ACP3: variants seen among roughly 807,000 people sequenced by gnomAD.
The protein encoded by ACP3 is acid phosphatase 3.
In ACP3, 38 loss-of-function variants were observed where a neutral mutation model predicts 45.6. That is an observed-to-expected ratio of 0.83 (90% CI 0.64 to 1.09). The LOEUF (loss-of-function observed/expected upper bound fraction) is 1.09. ACP3 is among the 50% of genes least tolerant of loss of function. The pLI is 0.00. For synonymous variants in ACP3, 162 were observed against 164.7 expected (o/e 0.98, Z 0.13); for missense variants, 466 against 463.2 (o/e 1.01, Z -0.05).
intron 4 of ACP3, among the ~76,000 whole-genome samples, chr3:132,336,977 T>C (rs1937501474): frequency 2.0e-5 from 3 of 152,122 alleles, no homozygotes; most frequent in Admixed American, 6.6e-5. Flanking sequence ...GTCTGCAAAT[T>C]TGCAAAACCT....
chr3:132,359,051 A>G (rs1010865467), downstream of ACP3, among the ~76,000 whole-genome samples: 17 of 152,342 alleles, frequency 1.1e-4, no homozygotes, highest in African/African-American at 4.1e-4. Flanking sequence ...GAAGTGCACA[A>G]TATACTAGGG....
chr3:132,339,712 GCT>G (rs1451322438), intron 5 of ACP3, among the ~76,000 whole-genome samples: 1 of 152,220 alleles, frequency 6.6e-6, no homozygotes, highest in Non-Finnish European at 1.5e-5. Flanking sequence ...TAAGTGTTCA[GCT>G]CTCTGAAGGC....
intron 4 of ACP3, among the ~76,000 whole-genome samples, chr3:132,337,157 T>G (rs1164191880): frequency 2.0e-5 from 3 of 151,650 alleles, no homozygotes; most frequent in African/African-American, 7.3e-5. Context: ...AAGATAACAG[T>G]TATTCACGTG....
intron 1 of ACP3, among the ~76,000 whole-genome samples, chr3:132,327,715 C>G (rs372370624): frequency 1.5e-4 from 22 of 150,878 alleles, no homozygotes; most frequent in Non-Finnish European, 3.1e-4. Flanking sequence ...GCTACTCAGG[C>G]GGCTGAGGCA....
chr3:132,350,923 G>T (rs2107813666), intron 8 of ACP3, among the ~76,000 whole-genome samples: 1 of 152,276 alleles, frequency 6.6e-6, no homozygotes, highest in Admixed American at 6.5e-5. Flanking sequence ...GAAAAATGGG[G>T]ATATGGCCTA....
At chr3:132,356,573 A>T (rs3853148) in intron 9 of ACP3, 113 bp from the exon 10 acceptor site, 10 of 1,568,418 alleles carry the variant, frequency 6.4e-6, no homozygotes, top group African/African-American at 2.7e-5. Context: ...TCTCCCCATA[A>T]GTTTTTCCAT....
chr3:132,348,824 G>A (rs116304458), intron 7 of ACP3, among the ~76,000 whole-genome samples: 255 of 152,262 alleles, frequency 1.7e-3, no homozygotes, highest in African/African-American at 5.9e-3. Context: ...ACTTACTGGT[G>A]TACAGACCTG....
intron 6 of ACP3, among the ~76,000 whole-genome samples, chr3:132,344,096 G>A (rs185049815): frequency 4.1e-4 from 63 of 152,210 alleles, no homozygotes; most frequent in African/African-American, 1.5e-3. Context: ...TGGCCAACAT[G>A]GCGAAATTTC....
intron 1 of ACP3, among the ~76,000 whole-genome samples, chr3:132,319,095 G>C (rs1287250393): frequency 6.6e-6 from 1 of 152,138 alleles, no homozygotes; most frequent in East Asian, 1.9e-4. Flanking sequence ...ATTGCACAAA[G>C]CCAGTGTTAA....
chr3:132,319,106 C>A (rs1020717014), intron 1 of ACP3, among the ~76,000 whole-genome samples: 1 of 152,166 alleles, frequency 6.6e-6, no homozygotes, highest in Non-Finnish European at 1.5e-5. Flanking sequence ...CCAGTGTTAA[C>A]TATTTTTTCC....
chr3:132,328,529 A>G (rs375685413), intron 2 of ACP3, among the ~76,000 whole-genome samples, 167 bp downstream of exon 2: 2 of 152,068 alleles, frequency 1.3e-5, no homozygotes, highest in East Asian at 1.9e-4. Context: ...AAATACAAAA[A>G]TTAGCCAGGA....
chr3:132,357,414 G>A lies in ACP3; in HGVS notation c.*536G>A. The stretch of plus-strand genomic sequence containing the variant: ...AGGCAAAGAAAGGAGATACAGTGGA[G>A]ACATCTGGAAAGTTTTCTCCACTGG... On this transcript the variant is annotated 3_prime_UTR_variant, in exon 10 of 10. Coordinates refer to ENST00000336375, the MANE Select transcript of ACP3 (RefSeq NM_001099.5). The A allele has an allele frequency of 2.0e-6, 2 of 985,356 alleles. No homozygotes were observed. Among genetic ancestry groups the A allele is most frequent in the Non-Finnish European group, 2.4e-6 (2 of 829,900 alleles). The allele number at this position is 985,356 out of a possible 1,614,324, so 61.0% of individuals were successfully genotyped here. A position where few individuals can be genotyped will look rare whatever the true frequency, so the allele number is the denominator to read the frequency against.
chr3:132,343,049 A>G (rs1243285088), intron 6 of ACP3, among the ~76,000 whole-genome samples: 2 of 152,244 alleles, frequency 1.3e-5, no homozygotes, highest in Admixed American at 1.3e-4. Context: ...GTAGAAATAA[A>G]CAAGCAAAAT....
chr3:132,345,050 C>A lies in ACP3; in HGVS notation c.772C>A (p.Leu258Ile), dbSNP rs758893967. 1.2e-6 allele frequency: 2 copies of A among 1,613,034 alleles called. No homozygotes were observed. Among genetic ancestry groups the A allele is most frequent in the South Asian group, 2.2e-5 (2 of 91,062 alleles). ...GIHKQKEKSR[L>I]QGGVLVNEIL... ...TCACAAGCAGAAAGAGAAATCTAGG[C>A]TCCAAGGGGGTAAGTATTAAAAAAT... Residue 258 changes from leucine to isoleucine, a missense_variant, in exon 7 of 10, where the codon CTC (leucine) becomes ATC (isoleucine). Coordinates refer to ENST00000336375, the MANE Select transcript of ACP3 (RefSeq NM_001099.5).
intron 6 of ACP3, 67 bp downstream of exon 6, chr3:132,342,711 A>G: frequency 1.0e-6 from 1 of 961,274 alleles, no homozygotes; most frequent in African/African-American, 1.7e-5. Context: ...ATTTTGAAAT[A>G]GATGAATATC....
In ACP3 at chr3:132,357,655, C is replaced by T; in HGVS notation, c.*777C>T. ...AAATAAGTCATCTGATGAGAACAAG[C>T]TATTTGGGCACAACACATCAGGAAA... On this transcript the variant is annotated 3_prime_UTR_variant, in exon 10 of 10. Transcript: ENST00000336375. The T allele has an allele frequency of 1.0e-6, 1 of 985,176 alleles. No individual in the cohort carries two copies. The highest frequency in any genetic ancestry group is 1.2e-6 in the Non-Finnish European group (1 of 829,786). 61.0% of individuals were successfully genotyped at this position (985,176 alleles called of 1,614,324 possible).
chr3:132,337,017 A>AT (rs1038908516), intron 4 of ACP3, among the ~76,000 whole-genome samples: 15 of 151,848 alleles, frequency 9.9e-5, no homozygotes, highest in East Asian at 3.9e-4. Flanking sequence ...TTGACTTAAG[A>AT]TTTTTTCCAG....
intron 10 of ACP3, among the ~76,000 whole-genome samples, chr3:132,365,304 G>C (rs1938111775): frequency 6.6e-6 from 1 of 152,214 alleles, no homozygotes; most frequent in Non-Finnish European, 1.5e-5. Context: ...GGCCAATTTG[G>C]GGTGAAGTGA....
At chr3:132,351,424 A>T (rs1937736440) in intron 8 of ACP3, among the ~76,000 whole-genome samples, 1 of 152,024 alleles carries the variant, frequency 6.6e-6, no homozygotes. Flanking sequence ...TAGCATGCTG[A>T]CTCCTTTCAC....
Sources: gnomAD v4.1 joint callset for allele counts (sites outside exome capture counted in the v4.1 genomes callset) on GRCh38, gnomAD v4.1.1 for gene constraint, MANE v1.5 for transcripts, NCBI Gene and HGNC (gene_info 2026-07-23, HGNC 2026-07-21) for gene names.